The following MCFD2 variants were observed in gnomAD, a reference collection of about 807,000 sequenced individuals.
MCFD2 encodes the protein multiple coagulation factor deficiency protein 2.
In MCFD2, 11 loss-of-function variants were observed where a neutral mutation model predicts 12.8. The observed-to-expected ratio is 0.86, with a 90% CI of 0.54 to 1.42. The LOEUF (loss-of-function observed/expected upper bound fraction) is 1.42, where lower values mean the gene tolerates loss of function less well. MCFD2 is among the 40% of genes most tolerant of loss of function. MCFD2 has a pLI of 0.00. For missense variants in MCFD2, 191 were observed against 178.6 expected, an observed-to-expected ratio of 1.07 and a Z score of -0.40; for synonymous variants, 70 against 68.1, an observed-to-expected ratio of 1.03 and a Z score of -0.14.
chr2:46,905,007 A>G lies in MCFD2; in HGVS notation c.*456T>C. ...GTCTTTCCCATGCTATTCTTGTGAT[A>G]GTGAATAAGTTTCACAAGATCTGAT... is the stretch of plus-strand genomic sequence containing the variant. On this transcript the variant is annotated 3_prime_UTR_variant, in exon 4 of 4. Transcript: ENST00000319466. The G allele has an allele frequency of 3.8e-6, 1 of 264,228 alleles. No individual in the cohort carries two copies. Among genetic ancestry groups the G allele is most frequent in the Non-Finnish European group, 7.4e-6 (1 of 135,966 alleles). The allele number at this position is 264,228 out of a possible 1,614,324, so 16.4% of individuals were successfully genotyped here.
intron 1 of MCFD2, 101 bp from the exon 2 acceptor site, chr2:46,909,278 A>G (rs1022121203): frequency 8.1e-6 from 11 of 1,358,296 alleles, no homozygotes; most frequent in Middle Eastern, 1.8e-4. Flanking sequence ...ATGAAGCAGT[A>G]AGGTTAGGAA....
intron 3 of MCFD2, among the ~76,000 whole-genome samples, chr2:46,906,474 G>GTTT (rs1668241833): frequency 7.2e-6 from 1 of 139,468 alleles, no homozygotes; most frequent in Admixed American, 7.2e-5. Flanking sequence ...GAGGCACGAG[G>GTTT]ATTTTTTTTT....
chr2:46,912,228 A>G (rs751032797), intron 1 of MCFD2, among the ~76,000 whole-genome samples: 8 of 152,310 alleles, frequency 5.3e-5, no homozygotes, highest in Non-Finnish European at 8.8e-5. Context: ...AATCCCAGCT[A>G]TTTGGGAGGC....
chr2:46,935,960 G>A (rs926117693), intron 1 of MCFD2, among the ~76,000 whole-genome samples: 38 of 151,920 alleles, frequency 2.5e-4, no homozygotes, highest in Admixed American at 2.4e-3. Context: ...GGGTGGTGGC[G>A]TGTGCCTGTA....
In MCFD2 at chr2:46,904,680, G is replaced by C. The variant is rs1668144127; in HGVS notation, c.*783C>G. Reference sequence around the variant, plus strand: ...ATACCTGTACCCCTGTTGGTATCTAGGAAGTAACTAGCTTGCTTTTGATTT... The same window carrying C: ...ATACCTGTACCCCTGTTGGTATCTACGAAGTAACTAGCTTGCTTTTGATTT... On this transcript the variant is annotated 3_prime_UTR_variant, in exon 4 of 4. Coordinates refer to ENST00000319466, the MANE Select transcript of MCFD2 (RefSeq NM_139279.6). 6.6e-6 allele frequency: 1 copy of C among 152,424 alleles called. No individual in the cohort carries two copies. Among genetic ancestry groups the C allele is most frequent in the Admixed American group, 6.5e-5 (1 of 15,300 alleles). The allele number at this position is 152,424 out of a possible 1,614,324, so 9.4% of individuals were successfully genotyped here.
At position 46,905,695 on chromosome 2, in the gene MCFD2, T is replaced by TAAA. The variant is rs59068176; in HGVS notation, c.310-104_310-102dup. The TAAA allele has an allele frequency of 0.1, 49,783 of 489,842 alleles. 2,471 individuals carry two copies. The highest frequency in any genetic ancestry group is 0.13 in the African/African-American group (5,714 of 42,780). The allele number at this position is 489,842 out of a possible 1,614,324, so 30.3% of individuals were successfully genotyped here. On this transcript the variant is annotated intron_variant, in intron 3 of 3. Coordinates refer to ENST00000319466, the MANE Select transcript of MCFD2 (RefSeq NM_139279.6). ...CATGTTCTTTCATGGCACTGTTTAT[T>TAAA]AAAAAAAAAAAAAAAAAAAAGGAAA... is the stretch of plus-strand genomic sequence containing the variant.
intron 1 of MCFD2, among the ~76,000 whole-genome samples, chr2:46,909,562 T>C (rs148437773): frequency 2.2e-4 from 34 of 152,212 alleles, no homozygotes; most frequent in Non-Finnish European, 3.4e-4. Context: ...GAAAACCCTC[T>C]AGGAGTTCAG....
rs1218773731 is a variant in MCFD2, at chr2:46,934,715, G to A, written c.-8+6857C>T. ...CAAAAACAAACAAACAAAAAAACCC[G>A]CACTTCAAAACCATCACTTTTGCCC... On this transcript the variant is annotated intron_variant, in intron 1 of 2. Coordinates refer to the MCFD2 transcript ENST00000409147. Among the ~76,000 whole-genome samples the A allele has an allele frequency of 4.9e-5, 7 of 141,568 alleles. No individual in the cohort carries two copies. In the South Asian group the frequency reaches 9.4e-4, roughly 19 times the overall value. The allele number at this position is 141,568 out of a possible 152,430, so 92.9% of individuals were successfully genotyped here. A position where few individuals can be genotyped will look rare whatever the true frequency, so the allele number is the denominator to read the frequency against.
At position 46,940,592 on chromosome 2, in the gene MCFD2, G is replaced by A. The variant is rs114217448; in HGVS notation, c.-8+980C>T. 0.011 allele frequency among the ~76,000 whole-genome samples: 1,610 copies of A among 152,372 alleles called. 33 individuals carry two copies. Among genetic ancestry groups the A allele is most frequent in the African/African-American group, 0.036 (1,501 of 41,580 alleles). On this transcript the variant is annotated intron_variant, in intron 1 of 2. Transcript: ENST00000409147. The surrounding 1 kb of genome is among the most constrained non-coding windows in gnomAD (Gnocchi z 4.7). ...AAATAAATACCAAGGTGGTGAAACA[G>A]CCTAAAGCCTTTAAGAAATCCAGGG...
In MCFD2 at chr2:46,902,107, G is replaced by A. The variant is rs1308802732; in HGVS notation, c.*3356C>T. On this transcript the variant is annotated 3_prime_UTR_variant, in exon 4 of 4. Transcript: ENST00000319466. ...AGTCTCTTTTTCCCATTCAATCATCGTTTCAGGTTTTCTATTACAGAACGT... is the reference window on the plus strand; with the variant it reads ...AGTCTCTTTTTCCCATTCAATCATCATTTCAGGTTTTCTATTACAGAACGT... 1 of 152,488 alleles carries A rather than the reference G, an allele frequency of 6.6e-6. No individual in the cohort carries two copies. Among genetic ancestry groups the A allele is most frequent in the African/African-American group, 2.4e-5 (1 of 41,402 alleles). The allele number at this position is 152,488 out of a possible 1,614,324, so 9.4% of individuals were successfully genotyped here. A position where few individuals can be genotyped will look rare whatever the true frequency, so the allele number is the denominator to read the frequency against.
upstream of MCFD2, among the ~76,000 whole-genome samples, chr2:46,920,077 C>T (rs1669020355): frequency 6.6e-6 from 1 of 152,126 alleles, no homozygotes. Flanking sequence ...ATTTGATGAC[C>T]TTGTTTCTTC....
chr2:46,906,274 C>A (rs536415559), intron 3 of MCFD2, among the ~76,000 whole-genome samples: 2 of 152,236 alleles, frequency 1.3e-5, no homozygotes, highest in East Asian at 1.9e-4. Flanking sequence ...GTCCTTCAGT[C>A]TGTCTCCCAC....
At chr2:46,939,119 A>G (rs1022024185) in intron 1 of MCFD2, among the ~76,000 whole-genome samples, 4 of 152,182 alleles carry the variant, frequency 2.6e-5, no homozygotes, top group Non-Finnish European at 5.9e-5. Context: ...CTACAAACAA[A>G]ATAATAAATT....
Position 46,909,054 on chromosome 2 carries a change from C to T in MCFD2, c.118G>A (p.Gly40Ser), listed in dbSNP as rs1450160438. ...AASFSQPGSM[G>S]LDKNTVHDQE... The stretch of plus-strand genomic sequence containing the variant: ...TCGTGCACTGTGTTCTTATCCAGGC[C>T]CATGCTGCCGGGTTGGGAGAAGCTG... Residue 40 changes from glycine to serine, a missense_variant, in exon 2 of 4, where the codon GGC becomes AGC. Coordinates refer to ENST00000319466, the MANE Select transcript of MCFD2 (RefSeq NM_139279.6). 2 of 1,614,096 alleles carry T rather than the reference C, an allele frequency of 1.2e-6. No homozygotes were observed. Among genetic ancestry groups the T allele is most frequent in the Admixed American group, 1.7e-5 (1 of 60,006 alleles).
chr2:46,938,509 T>C (rs570924272), intron 1 of MCFD2, among the ~76,000 whole-genome samples: 1 of 152,306 alleles, frequency 6.6e-6, no homozygotes, highest in East Asian at 1.9e-4. Flanking sequence ...AAGGGATTCA[T>C]TGTGTGAATG....
Position 46,941,062 on chromosome 2 carries a change from G to A in MCFD2, c.-8+510C>T, listed in dbSNP as rs1006971856. 1 of 150,362 alleles carries A rather than the reference G, an allele frequency of 6.7e-6. No individual in the cohort carries two copies. Among genetic ancestry groups the A allele is most frequent in the Non-Finnish European group, 1.5e-5 (1 of 67,148 alleles). The allele number at this position is 150,362 out of a possible 1,614,324, so 9.3% of individuals were successfully genotyped here. A position where few individuals can be genotyped will look rare whatever the true frequency, so the allele number is the denominator to read the frequency against. On this transcript the variant is annotated intron_variant, in intron 1 of 2. Coordinates refer to the MCFD2 transcript ENST00000409147. The surrounding 1 kb of genome is among the most constrained non-coding windows in gnomAD (Gnocchi z 4.2). ...CGGCGGGGGCGGCGGCGGGGGGCGGGTACCCGGGCGGCCGCGAGCGCCCTT... is the reference window on the plus strand; with the variant it reads ...CGGCGGGGGCGGCGGCGGGGGGCGGATACCCGGGCGGCCGCGAGCGCCCTT...
Position 46,909,145 on chromosome 2 carries a change from G to C in MCFD2, c.27C>G (p.Thr9=). The C allele has an allele frequency of 6.2e-7, 1 of 1,614,190 alleles. No individual in the cohort carries two copies. The highest frequency in any genetic ancestry group is 8.5e-7 in the Non-Finnish European group (1 of 1,180,006). The change falls in exon 2 of 4, where the codon ACC becomes ACG. Residue 9 remains threonine (T), a synonymous_variant. Coordinates refer to ENST00000319466, the MANE Select transcript of MCFD2 (RefSeq NM_139279.6). ...CCCAGAGCAGGCCACACAGGAAGGGGGTTCTGAGCAGGGATCTCATGGTCA... is the reference window on the plus strand; with the variant it reads ...CCCAGAGCAGGCCACACAGGAAGGGCGTTCTGAGCAGGGATCTCATGGTCA... MTMRSLLR[T]PFLCGLLWAF... is the part of the protein sequence containing the mutation.
Position 46,930,335 on chromosome 2 carries a change from C to T in MCFD2, c.-8+11237G>A, listed in dbSNP as rs150977417. On this transcript the variant is annotated intron_variant, in intron 1 of 2. Transcript: ENST00000409147. ...AATATGAATACCAGTAATGAAAATTCAAATAGCACTATAAATTCTACGAAC... is the reference window on the plus strand; with the variant it reads ...AATATGAATACCAGTAATGAAAATTTAAATAGCACTATAAATTCTACGAAC... Among the ~76,000 whole-genome samples, 356 of 149,376 alleles carry T rather than the reference C, an allele frequency of 2.4e-3. 3 individuals are homozygous for T. The highest frequency in any genetic ancestry group is 8.6e-3 in the African/African-American group (349 of 40,620).
chr2:46,926,206 C>A (rs1209703456), intron 1 of MCFD2, among the ~76,000 whole-genome samples: 1 of 152,188 alleles, frequency 6.6e-6, no homozygotes, highest in Non-Finnish European at 1.5e-5. Context: ...GAAGCCTTAC[C>A]ATCTCCTCAG....
Sources: gnomAD v4.1 joint callset for allele counts (sites outside exome capture counted in the v4.1 genomes callset) on GRCh38, gnomAD v4.1.1 for gene constraint, Gnocchi (gnomAD v3.1) non-coding constraint, MANE v1.5 for transcripts, NCBI Gene and HGNC (gene_info 2026-07-23, HGNC 2026-07-21) for gene names.